IGSF11: variants seen among roughly 807,000 people sequenced by gnomAD.
The protein encoded by IGSF11 is immunoglobulin superfamily member 11, also known as CXADR like 1.
A neutral mutation model predicts 41.0 loss-of-function variants in IGSF11; 22 were observed. That is an observed-to-expected ratio of 0.54 (90% CI 0.38 to 0.77). The LOEUF (loss-of-function observed/expected upper bound fraction) is 0.77. Among genes scored for constraint, IGSF11 ranks in the 30% least tolerant of loss-of-function variants. The pLI is 0.00. For missense variants in IGSF11, 444 were observed against 530.8 expected (o/e 0.84, Z 1.61); for synonymous variants, 219 against 201.3 (o/e 1.09, Z -0.74).
intron 4 of IGSF11, among the ~76,000 whole-genome samples, chr3:118,919,243 G>A (rs1265936196): frequency 7.4e-6 from 1 of 135,606 alleles, no homozygotes; most frequent in African/African-American, 3.1e-5. Context: ...GGCAACAAAA[G>A]CCAAAATTGA....
At position 119,127,210 on chromosome 3, in the gene IGSF11, C is replaced by T. The variant is rs187468580; in HGVS notation, c.-14+18603G>A. 7.2e-5 allele frequency among the ~76,000 whole-genome samples: 11 copies of T among 151,900 alleles called. 1 individual carries two copies. Among genetic ancestry groups the T allele is most frequent in the African/African-American group, 2.4e-4 (10 of 41,430 alleles). On this transcript the variant is annotated intron_variant, in intron 1 of 7. Transcript: ENST00000425327. ...AATGACCTGATGGAGCTGCAAAACA[C>T]AGCACAAGAATTTCATGAAGAATAC... is the stretch of plus-strand genomic sequence containing the variant.
chr3:119,136,865 TAAAC>T (rs1248027388), intron 1 of IGSF11, among the ~76,000 whole-genome samples: 2 of 152,000 alleles, frequency 1.3e-5, no homozygotes, highest in Admixed American at 6.6e-5. Flanking sequence ...TTAGAACTGA[TAAAC>T]AAATTTAGTA....
At chr3:119,050,472 C>T (rs959313150) in intron 1 of IGSF11, among the ~76,000 whole-genome samples, 4 of 151,882 alleles carry the variant, frequency 2.6e-5, no homozygotes, top group South Asian at 2.1e-4. Context: ...GTTAGAATGG[C>T]GATCATTAAA....
chr3:119,110,144 T>C (rs34183162), upstream of IGSF11, among the ~76,000 whole-genome samples: 17,524 of 152,058 alleles, frequency 0.12, 1,119 homozygotes, highest in East Asian at 0.23. Context: ...CTGGGTATCC[T>C]TGTCAACTTT....
At position 119,045,264 on chromosome 3, in the gene IGSF11, T is replaced by C. The variant is rs148260192; in HGVS notation, c.49+59880A>G. 5.6e-3 allele frequency among the ~76,000 whole-genome samples: 860 copies of C among 152,242 alleles called. 4 individuals are homozygous for C. Among genetic ancestry groups the C allele is most frequent in the Non-Finnish European group, 8.3e-3 (564 of 68,016 alleles). Reference sequence around the variant, plus strand: ...CACTTCACTAGGGAGCGCCAGACAGTGGGCGCAGGTCAGTGGGTGCGTGCA... The same window carrying C: ...CACTTCACTAGGGAGCGCCAGACAGCGGGCGCAGGTCAGTGGGTGCGTGCA... On this transcript the variant is annotated intron_variant, in intron 1 of 6. Coordinates refer to the IGSF11 transcript ENST00000354673.
chr3:119,026,416 A>G (rs1939832467), intron 1 of IGSF11, among the ~76,000 whole-genome samples: 1 of 152,182 alleles, frequency 6.6e-6, no homozygotes, highest in African/African-American at 2.4e-5. Flanking sequence ...CCTTTCGGAA[A>G]GTCTATGTAG....
chr3:118,920,791 A>G (rs1365261701), intron 4 of IGSF11, among the ~76,000 whole-genome samples: 1 of 152,172 alleles, frequency 6.6e-6, no homozygotes, highest in East Asian at 1.9e-4. Flanking sequence ...TGAAGCATGT[A>G]AAATATTGCT....
intron 1 of IGSF11, among the ~76,000 whole-genome samples, chr3:119,130,247 G>A (rs574340412): frequency 6.6e-6 from 1 of 152,214 alleles, no homozygotes; most frequent in African/African-American, 2.4e-5. Context: ...CCAAAGCAGG[G>A]CAGGGCATTG....
In IGSF11 at chr3:119,111,938, T is replaced by C. The variant is rs1215246806; in HGVS notation, c.-13-6733A>G. Among the ~76,000 whole-genome samples the C allele has an allele frequency of 2.6e-5, 4 of 152,324 alleles. No individual in the cohort carries two copies. In the East Asian group the frequency reaches 7.7e-4, roughly 29 times the overall value. On this transcript the variant is annotated intron_variant, in intron 1 of 7. Transcript: ENST00000425327. ...GTGAACCACGAATGCTGCTGTCTGA[T>C]CGTTCCTCTGGAAGTTTTGTCTCAG... is the stretch of plus-strand genomic sequence containing the variant.
chr3:118,964,637 T>C (rs1945551944), intron 1 of IGSF11, among the ~76,000 whole-genome samples: 1 of 152,142 alleles, frequency 6.6e-6, no homozygotes, highest in African/African-American at 2.4e-5. Context: ...TCACAGGTAA[T>C]GAAAATTGTT....
At chr3:119,034,850 C>G, upstream of IGSF11, 1 of 1,219,738 alleles carries the variant, frequency 8.2e-7, no homozygotes, top group Non-Finnish European at 1.0e-6. Flanking sequence ...CAGGACTAGC[C>G]GACCCCTCGC....
chr3:119,064,185 TTTTG>T lies in IGSF11; in HGVS notation c.49+40955_49+40958del, dbSNP rs150793189. ...CTCCTACATTTTACTCTAAAAGCTT[TTTTG>T]TTTTACTTTTTCACATTTATATCTG... is the stretch of plus-strand genomic sequence containing the variant. On this transcript the variant is annotated intron_variant, in intron 1 of 6. Transcript: ENST00000354673. Among the ~76,000 whole-genome samples the T allele has an allele frequency of 9.0e-3, 1,370 of 152,308 alleles. 29 individuals carry two copies. The highest frequency in any genetic ancestry group is 0.03 in the African/African-American group (1,233 of 41,558).
chr3:119,025,847 A>G (rs1939771161), intron 1 of IGSF11, among the ~76,000 whole-genome samples: 1 of 152,212 alleles, frequency 6.6e-6, no homozygotes, highest in Non-Finnish European at 1.5e-5. Context: ...AACATTATGA[A>G]TATCAAAAAA....
At chr3:119,004,981 G>A (rs1320199029) in intron 1 of IGSF11, among the ~76,000 whole-genome samples, 8 of 150,988 alleles carry the variant, frequency 5.3e-5, no homozygotes, top group African/African-American at 1.2e-4. Context: ...TATTAGGTGC[G>A]CTTGGTGCAG....
intron 1 of IGSF11, among the ~76,000 whole-genome samples, chr3:119,049,066 C>T (rs1941500084): frequency 6.6e-6 from 1 of 151,320 alleles, no homozygotes; most frequent in African/African-American, 2.4e-5. Flanking sequence ...AAACTGGAAG[C>T]ATTCCCTTTG....
At chr3:119,013,561 A>G (rs758668625) in intron 1 of IGSF11, among the ~76,000 whole-genome samples, 1 of 152,254 alleles carries the variant, frequency 6.6e-6, no homozygotes, top group African/African-American at 2.4e-5. Flanking sequence ...TAAGGCAAAC[A>G]GTATCGATTC....
chr3:119,110,112 G>A (rs2077121532), upstream of IGSF11, among the ~76,000 whole-genome samples: 1 of 152,082 alleles, frequency 6.6e-6, no homozygotes, highest in Admixed American at 6.6e-5. Flanking sequence ...AGGTCCGCTT[G>A]GTGCAGAGCT....
At chr3:119,115,647 C>T (rs2077245649) in intron 1 of IGSF11, among the ~76,000 whole-genome samples, 1 of 152,118 alleles carries the variant, frequency 6.6e-6, no homozygotes, top group Admixed American at 6.5e-5. Context: ...AATCTGGTAA[C>T]TAATCCCTTG....
At chr3:119,140,877 C>G (rs959191819) in intron 1 of IGSF11, among the ~76,000 whole-genome samples, 6 of 131,902 alleles carry the variant, frequency 4.5e-5, no homozygotes, top group Non-Finnish European at 7.7e-5. Flanking sequence ...AACCCCATCT[C>G]TACTAAAAAT....
Sources: allele counts gnomAD v4.1 joint callset (sites outside exome capture counted in the v4.1 genomes callset), GRCh38; gene constraint gnomAD v4.1.1; transcripts MANE v1.5; gene names NCBI Gene and HGNC (gene_info 2026-07-23, HGNC 2026-07-21).